MALRD1: variants seen among roughly 807,000 people sequenced by gnomAD.
MALRD1 encodes the protein MAM and LDL receptor class A domain containing 1.
A neutral mutation model predicts 242.1 loss-of-function variants in MALRD1; 247 were observed. The ratio of observed to expected loss-of-function variants is 1.02; its 90% CI spans 0.92 to 1.13. The LOEUF (loss-of-function observed/expected upper bound fraction) is 1.13. MALRD1 is among the 50% of genes most tolerant of loss of function. MALRD1 has a pLI of 0.00. For missense variants in MALRD1, 2,989 were observed against 2,533.1 expected (o/e 1.18, Z -3.86); for synonymous variants, 995 against 866.6 (o/e 1.15, Z -2.60).
intron 26 of MALRD1, among the ~76,000 whole-genome samples, chr10:19,353,242 A>G (rs2131002414): frequency 6.6e-6 from 1 of 152,244 alleles, no homozygotes; most frequent in Non-Finnish European, 1.5e-5. Flanking sequence ...CTGGGGCTCA[A>G]GAGATCCACC....
chr10:19,532,746 T>TATAA (rs10648276), intron 32 of MALRD1, among the ~76,000 whole-genome samples: 1 of 7,030 alleles, frequency 1.4e-4, no homozygotes, highest in Non-Finnish European at 5.9e-4. Flanking sequence ...ATCCTGACTC[T>TATAA]GTGTCTGTTT....
chr10:19,695,756 C>T (rs111304189), intron 38 of MALRD1, among the ~76,000 whole-genome samples: 1 of 152,008 alleles, frequency 6.6e-6, no homozygotes, highest in South Asian at 2.1e-4. Context: ...AAACTCCTGA[C>T]CTCGTAATCC....
intron 34 of MALRD1, among the ~76,000 whole-genome samples, chr10:19,603,378 T>C (rs1838457300): frequency 6.6e-6 from 1 of 152,200 alleles, no homozygotes; most frequent in African/African-American, 2.4e-5. Flanking sequence ...GTATAAGGTG[T>C]AAGGAAGGGA....
At chr10:19,561,393 G>C (rs1835955520) in intron 32 of MALRD1, among the ~76,000 whole-genome samples, 1 of 152,156 alleles carries the variant, frequency 6.6e-6, no homozygotes, top group Non-Finnish European at 1.5e-5. Context: ...GCTGCCCTCT[G>C]ATCTGCCAAT....
At chr10:19,654,065 C>T (rs941212846) in intron 36 of MALRD1, among the ~76,000 whole-genome samples, 3 of 152,032 alleles carry the variant, frequency 2.0e-5, no homozygotes, top group Non-Finnish European at 2.9e-5. Flanking sequence ...AAATAGGCAG[C>T]CATAGCTATT....
chr10:19,346,520 C>G (rs1844131318), intron 24 of MALRD1, among the ~76,000 whole-genome samples: 1 of 152,122 alleles, frequency 6.6e-6, no homozygotes, highest in African/African-American at 2.4e-5. Context: ...TATTTGGACA[C>G]TTATTTCACT....
chr10:19,728,204 A>T (rs1824464236), intron 38 of MALRD1, among the ~76,000 whole-genome samples: 1 of 152,096 alleles, frequency 6.6e-6, no homozygotes, highest in African/African-American at 2.4e-5. Context: ...TCACACTGAA[A>T]CCCTTTCTTC....
chr10:19,104,635 G>A (rs1163242883), intron 5 of MALRD1, among the ~76,000 whole-genome samples: 1 of 151,604 alleles, frequency 6.6e-6, no homozygotes, highest in Non-Finnish European at 1.5e-5. Flanking sequence ...AAAATACCAG[G>A]CTTAATCCAA....
chr10:19,681,826 C>A (rs1401732657), intron 36 of MALRD1, among the ~76,000 whole-genome samples: 2 of 148,560 alleles, frequency 1.3e-5, no homozygotes, highest in African/African-American at 4.9e-5. Context: ...AGGCTACTGA[C>A]CTTTGGATGG....
intron 1 of MALRD1, among the ~76,000 whole-genome samples, chr10:19,050,083 C>CTTTTTT (rs34692209): frequency 4.4e-5 from 4 of 90,580 alleles, no homozygotes; most frequent in African/African-American, 9.3e-5. Flanking sequence ...CATATGTCTT[C>CTTTTTT]TTTTTTTTTT....
At chr10:19,127,592 T>A (rs1564409516) in intron 7 of MALRD1, among the ~76,000 whole-genome samples, 1 of 152,160 alleles carries the variant, frequency 6.6e-6, no homozygotes, top group Non-Finnish European at 1.5e-5. Context: ...AGAAATCTCT[T>A]TATAAATCTG....
chr10:19,515,224 A>G (rs1200099429), intron 31 of MALRD1, among the ~76,000 whole-genome samples: 1 of 152,188 alleles, frequency 6.6e-6, no homozygotes, highest in African/African-American at 2.4e-5. Context: ...AATTTTAGTT[A>G]CATGTATGAA....
At chr10:19,691,717 T>G (rs574216858) in intron 36 of MALRD1, among the ~76,000 whole-genome samples, 3 of 152,240 alleles carry the variant, frequency 2.0e-5, no homozygotes, top group Admixed American at 1.3e-4. Flanking sequence ...CATCCCTAAA[T>G]AAAACAAAGG....
chr10:19,593,177 G>C (rs1215722966), intron 33 of MALRD1, among the ~76,000 whole-genome samples: 2 of 152,140 alleles, frequency 1.3e-5, no homozygotes, highest in African/African-American at 4.8e-5. Context: ...TTGTACATTG[G>C]AACATTGCAA....
At chr10:19,590,409 A>G (rs1385680864) in intron 33 of MALRD1, among the ~76,000 whole-genome samples, 2 of 148,314 alleles carry the variant, frequency 1.3e-5, no homozygotes, top group African/African-American at 5.0e-5. Context: ...TATATAACAT[A>G]TATAGGTGGT....
At chr10:19,105,553 G>A (rs1290440557) in intron 5 of MALRD1, among the ~76,000 whole-genome samples, 2 of 151,982 alleles carry the variant, frequency 1.3e-5, no homozygotes, top group Non-Finnish European at 2.9e-5. Context: ...ATACTCAGAA[G>A]TGGGATTGCT....
chr10:19,507,352 A>C (rs963112782), intron 31 of MALRD1, among the ~76,000 whole-genome samples: 2 of 152,088 alleles, frequency 1.3e-5, no homozygotes, highest in East Asian at 3.9e-4. Flanking sequence ...AAATGTAAAA[A>C]TTTTCAAAAT....
intron 32 of MALRD1, among the ~76,000 whole-genome samples, chr10:19,553,785 C>A (rs918503658): frequency 6.6e-6 from 1 of 152,156 alleles, no homozygotes; most frequent in Non-Finnish European, 1.5e-5. Flanking sequence ...CCCAGTGATA[C>A]ACGTGAGATT....
Position 19,134,528 on chromosome 10 carries a change from A to T in MALRD1, c.1203+580A>T, listed in dbSNP as rs1442964007. 2.7e-5 allele frequency among the ~76,000 whole-genome samples: 4 copies of T among 149,840 alleles called. No homozygotes were observed. In the East Asian group the frequency reaches 7.7e-4, roughly 29 times the overall value. On this transcript the variant is annotated intron_variant, in intron 9 of 39. Coordinates refer to ENST00000454679, the MANE Select transcript of MALRD1 (RefSeq NM_001142308.3). ...AATTATTTTTGCACCAACATGATAT[A>T]TGGAATGTGTAAGTTTATTTATGCT... is the stretch of plus-strand genomic sequence containing the variant.
Sources: allele counts gnomAD v4.1 joint callset (sites outside exome capture counted in the v4.1 genomes callset), GRCh38; gene constraint gnomAD v4.1.1; transcripts MANE v1.5; gene names NCBI Gene and HGNC (gene_info 2026-07-23, HGNC 2026-07-21).